Variants in SNTG1 observed in about 807,000 individuals in gnomAD.
The protein encoded by SNTG1 is gamma-1-syntrophin.
Under a neutral mutation model 74.7 loss-of-function variants are expected in SNTG1, and 39 were observed. That is an observed-to-expected ratio of 0.52 (90% confidence interval 0.40 to 0.68). SNTG1 has a LOEUF of 0.68. Ranked by LOEUF, SNTG1 falls within the 30% of genes least tolerant of loss-of-function variation. SNTG1 has a pLI of 0.00. For missense variants in SNTG1, 685 were observed against 609.5 expected (o/e 1.12, Z -1.30); for synonymous variants, 254 against 217.1 (o/e 1.17, Z -1.49).
chr8:50,761,603 AT>A (rs200187689), intron 18 of SNTG1, among the ~76,000 whole-genome samples: 53 of 148,272 alleles, frequency 3.6e-4, no homozygotes, highest in Middle Eastern at 3.5e-3. Context: ...TGCCTGAGCT[AT>A]TTTTTTTTTT....
chr8:50,210,144 T>C (rs918744134), intron 2 of SNTG1, among the ~76,000 whole-genome samples: 1 of 152,088 alleles, frequency 6.6e-6, no homozygotes, highest in African/African-American at 2.4e-5. Flanking sequence ...GAAGATCAAA[T>C]GAATGAAATG....
chr8:50,249,277 C>G (rs2086538255), intron 2 of SNTG1, among the ~76,000 whole-genome samples: 1 of 152,160 alleles, frequency 6.6e-6, no homozygotes, highest in Admixed American at 6.5e-5. Flanking sequence ...CATTTGCAAC[C>G]CGTATGACCT....
intron 9 of SNTG1, among the ~76,000 whole-genome samples, chr8:50,513,793 A>G (rs538141609): frequency 2.0e-5 from 3 of 152,292 alleles, no homozygotes; most frequent in South Asian, 4.1e-4. Context: ...GAGTGACCCA[A>G]TTTTCCAGAT....
intron 2 of SNTG1, among the ~76,000 whole-genome samples, chr8:50,319,300 A>G (rs1305312161): frequency 2.6e-5 from 4 of 151,994 alleles, no homozygotes; most frequent in Non-Finnish European, 5.9e-5. Flanking sequence ...GGAGGTGGAG[A>G]TTTCAGTGAG....
intron 2 of SNTG1, among the ~76,000 whole-genome samples, chr8:50,273,276 A>G (rs1475622067): frequency 2.6e-5 from 4 of 152,174 alleles, no homozygotes; most frequent in Admixed American, 6.6e-5. Context: ...CCTCATACAA[A>G]CACTTAATCC....
Position 50,551,182 on chromosome 8 carries a change from T to G in SNTG1, c.681-1868T>G, listed in dbSNP as rs191176546. 1.7e-3 allele frequency among the ~76,000 whole-genome samples: 254 copies of G among 152,132 alleles called. 2 individuals carry two copies. Among genetic ancestry groups the G allele is most frequent in the African/African-American group, 5.2e-3 (217 of 41,450 alleles). On this transcript the variant is annotated intron_variant, in intron 11 of 18. Coordinates refer to ENST00000642720, the MANE Select transcript of SNTG1 (RefSeq NM_018967.5). ...TGGAGGCCCCAGATAACTGTAATTT[T>G]TATGATCAACTTATACTATAAGAGG... is the stretch of plus-strand genomic sequence containing the variant.
At chr8:50,719,274 T>A (rs11779072) in intron 17 of SNTG1, among the ~76,000 whole-genome samples, 34,925 of 152,026 alleles carry the variant, frequency 0.23, 4,217 homozygotes, top group Middle Eastern at 0.32. Flanking sequence ...TTAAGTCATG[T>A]GGCTCTGTCC....
Position 50,282,616 on chromosome 8 carries a change from A to G in SNTG1, c.-28+109981A>G, listed in dbSNP as rs535721834. On this transcript the variant is annotated intron_variant, in intron 2 of 18. Transcript: ENST00000642720. ...GTCCCTACTGAAAATACAAAAAAAAATTAGTCAGGCATGGTGGCACACGCT... is the reference window on the plus strand; with the variant it reads ...GTCCCTACTGAAAATACAAAAAAAAGTTAGTCAGGCATGGTGGCACACGCT... Among the ~76,000 whole-genome samples, 898 of 145,468 alleles carry G rather than the reference A, an allele frequency of 6.2e-3. 9 individuals carry two copies. Among genetic ancestry groups the G allele is most frequent in the African/African-American group, 0.021 (849 of 40,118 alleles).
intron 9 of SNTG1, among the ~76,000 whole-genome samples, chr8:50,517,689 A>G (rs189326157): frequency 3.5e-4 from 54 of 152,248 alleles, no homozygotes; most frequent in Admixed American, 3.1e-3. Context: ...TAAACCAACA[A>G]AGATCAACAA....
At chr8:50,715,102 T>C (rs1393649263) in intron 17 of SNTG1, among the ~76,000 whole-genome samples, 3 of 152,138 alleles carry the variant, frequency 2.0e-5, no homozygotes, top group African/African-American at 4.8e-5. Flanking sequence ...CACCTGAGTG[T>C]TAGTAGTTAA....
chr8:50,030,845 T>G (rs1040427281), intron 1 of SNTG1, among the ~76,000 whole-genome samples: 1 of 151,994 alleles, frequency 6.6e-6, no homozygotes, highest in Non-Finnish European at 1.5e-5. Flanking sequence ...CCATATATAT[T>G]TTAGAATAAT....
intron 11 of SNTG1, among the ~76,000 whole-genome samples, chr8:50,537,725 C>A (rs2094317980): frequency 6.6e-6 from 1 of 152,080 alleles, no homozygotes; most frequent in South Asian, 2.1e-4. Context: ...GGGAAACTTT[C>A]CTGTAAAGAG....
At chr8:50,377,073 A>G (rs954032891) in intron 2 of SNTG1, among the ~76,000 whole-genome samples, 3 of 152,106 alleles carry the variant, frequency 2.0e-5, no homozygotes, top group African/African-American at 7.2e-5. Flanking sequence ...TTCATAAAAT[A>G]ATAAGCACAT....
At chr8:50,535,011 A>G (rs1363595108) in intron 10 of SNTG1, among the ~76,000 whole-genome samples, 1 of 152,116 alleles carries the variant, frequency 6.6e-6, no homozygotes, top group East Asian at 1.9e-4. Context: ...CGAGAATATA[A>G]TATTTGATAC....
chr8:50,696,573 G>T, intron 15 of SNTG1, among the ~76,000 whole-genome samples: 1 of 151,916 alleles, frequency 6.6e-6, no homozygotes, highest in Non-Finnish European at 1.5e-5. Context: ...TAATAGTTTC[G>T]AATCTTATGG....
At chr8:50,145,856 A>T (rs1487753485) in intron 1 of SNTG1, among the ~76,000 whole-genome samples, 1 of 151,832 alleles carries the variant, frequency 6.6e-6, no homozygotes, top group Admixed American at 6.6e-5. Flanking sequence ...TGAATAATAA[A>T]ATTCAAATAC....
intron 10 of SNTG1, among the ~76,000 whole-genome samples, chr8:50,532,848 G>T (rs1430897368): frequency 3.3e-5 from 5 of 152,142 alleles, no homozygotes; most frequent in Admixed American, 6.6e-5. Flanking sequence ...TTGATTTTCT[G>T]ATGTGTGTTA....
Position 50,015,369 on chromosome 8 carries a change from T to C in SNTG1, c.-103+103138T>C, listed in dbSNP as rs549890271. Among the ~76,000 whole-genome samples the C allele has an allele frequency of 1.5e-3, 225 of 151,660 alleles. 4 individuals are homozygous for C. The highest frequency in any genetic ancestry group is 5.2e-3 in the African/African-American group (217 of 41,342). ...TTTCAGAAAGAGAGTGGAAAAACAA[T>C]GAAGAAACATGAACAAAGCCTCAGA... is the stretch of plus-strand genomic sequence containing the variant. On this transcript the variant is annotated intron_variant, in intron 1 of 18. Transcript: ENST00000642720.
intron 15 of SNTG1, among the ~76,000 whole-genome samples, chr8:50,667,396 G>A (rs2095255834): frequency 6.6e-6 from 1 of 152,056 alleles, no homozygotes; most frequent in Admixed American, 6.6e-5. Context: ...AGGAACAGAG[G>A]TTTAACTATT....
Sources: allele counts gnomAD v4.1 joint callset (sites outside exome capture counted in the v4.1 genomes callset), GRCh38; gene constraint gnomAD v4.1.1; transcripts MANE v1.5; gene names NCBI Gene and HGNC (gene_info 2026-07-23, HGNC 2026-07-21).